GSG1L: variants seen among roughly 807,000 people sequenced by gnomAD.
GSG1L encodes GSG1 like.
Under a neutral mutation model 42.1 loss-of-function variants are expected in GSG1L, and 24 were observed. The observed-to-expected ratio is 0.57, with a 90% confidence interval of 0.41 to 0.80. GSG1L has a LOEUF of 0.80. Among genes scored for constraint, GSG1L ranks in the 30% least tolerant of loss-of-function variants. The probability of loss-of-function intolerance (pLI) is 0.00; values close to 1 mark genes in which losing one functional copy is unlikely to be tolerated. For missense variants in GSG1L, 445 were observed against 472.2 expected (o/e 0.94, Z 0.53); for synonymous variants, 215 against 203.5 (o/e 1.06, Z -0.48).
At chr16:27,966,354 A>G (rs183908141) in intron 1 of GSG1L, among the ~76,000 whole-genome samples, 9 of 152,262 alleles carry the variant, frequency 5.9e-5, no homozygotes, top group Admixed American at 2.6e-4. Context: ...AAAATTTAAA[A>G]ATTAGCCAGC....
chr16:28,012,211 G>A (rs1032387647), intron 1 of GSG1L, among the ~76,000 whole-genome samples: 2 of 151,996 alleles, frequency 1.3e-5, no homozygotes, highest in African/African-American at 4.8e-5. Flanking sequence ...CCCTCCCCTA[G>A]GCTGAGTCAG....
intron 3 of GSG1L, among the ~76,000 whole-genome samples, chr16:27,879,911 G>A (rs2083932433): frequency 6.6e-6 from 1 of 151,310 alleles, no homozygotes. Context: ...GGAATCCACA[G>A]ATGCGGAACC....
At chr16:27,850,458 A>G (rs9923632) in intron 3 of GSG1L, 1 of 450,728 alleles carries the variant, frequency 2.2e-6, no homozygotes, top group South Asian at 1.6e-5. Flanking sequence ...TAAATAACAC[A>G]ATGTGCCTAG....
chr16:27,832,663 C>A (rs79470090), intron 4 of GSG1L, among the ~76,000 whole-genome samples: 1 of 152,162 alleles, frequency 6.6e-6, no homozygotes, highest in Non-Finnish European at 1.5e-5. Context: ...TTCTGATAAA[C>A]GCGTAATAAT....
At chr16:27,796,287 A>T (rs1319444219) in intron 6 of GSG1L, among the ~76,000 whole-genome samples, 1 of 152,200 alleles carries the variant, frequency 6.6e-6, no homozygotes, top group East Asian at 1.9e-4. Flanking sequence ...CTCCAGAAAG[A>T]AAGGAAGCTT....
At chr16:28,058,409 G>A (rs958511862) in intron 1 of GSG1L, among the ~76,000 whole-genome samples, 1 of 152,120 alleles carries the variant, frequency 6.6e-6, no homozygotes, top group Non-Finnish European at 1.5e-5. Context: ...CAAGCGGATC[G>A]CTTGAGGCCA....
chr16:27,978,419 G>A lies in GSG1L; in HGVS notation c.350-15216C>T, dbSNP rs991180451. On this transcript the variant is annotated intron_variant, in intron 1 of 6. Coordinates refer to ENST00000447459, the MANE Select transcript of GSG1L (RefSeq NM_001109763.2). ...CAAATCCCCACTGTGCCAGCTGGGC[G>A]CAGTGGCTCACGCCTGTAATCCCAG... 3.9e-5 allele frequency among the ~76,000 whole-genome samples: 6 copies of A among 152,156 alleles called. 1 individual carries two copies. Among genetic ancestry groups the A allele is most frequent in the South Asian group, 2.1e-4 (1 of 4,832 alleles).
intron 6 of GSG1L, among the ~76,000 whole-genome samples, chr16:27,800,177 A>G (rs1597458443): frequency 6.6e-6 from 1 of 152,180 alleles, no homozygotes; most frequent in African/African-American, 2.4e-5. Flanking sequence ...TATTTATTTT[A>G]GAAATACTGT....
At chr16:27,877,695 T>G (rs1421066469) in intron 3 of GSG1L, among the ~76,000 whole-genome samples, 1 of 152,130 alleles carries the variant, frequency 6.6e-6, no homozygotes, top group African/African-American at 2.4e-5. Context: ...CTCCCTTCAC[T>G]GAATCATCCA....
intron 3 of GSG1L, among the ~76,000 whole-genome samples, chr16:27,874,860 T>C (rs1237740209): frequency 6.6e-6 from 1 of 152,198 alleles, no homozygotes; most frequent in Non-Finnish European, 1.5e-5. Flanking sequence ...AGCCAGTTGG[T>C]CAGAAGTGAC....
chr16:28,039,453 A>C (rs184118955), intron 1 of GSG1L, among the ~76,000 whole-genome samples: 1 of 151,668 alleles, frequency 6.6e-6, no homozygotes, highest in African/African-American at 2.4e-5. Context: ...CCCCACCCCC[A>C]CAGCAAAGAA....
intron 2 of GSG1L, among the ~76,000 whole-genome samples, chr16:27,923,264 C>A (rs187621096): frequency 1.5e-3 from 235 of 152,310 alleles, no homozygotes; most frequent in African/African-American, 5.3e-3. Flanking sequence ...GCCATCTGGG[C>A]AGCCATGGCC....
At chr16:27,992,037 A>T (rs1459966899) in intron 1 of GSG1L, among the ~76,000 whole-genome samples, 1 of 152,208 alleles carries the variant, frequency 6.6e-6, no homozygotes, top group Non-Finnish European at 1.5e-5. Context: ...TGAAACCTCC[A>T]TGATAACTGA....
At chr16:27,849,122 G>T (rs1567484954) in intron 3 of GSG1L, among the ~76,000 whole-genome samples, 1 of 148,038 alleles carries the variant, frequency 6.8e-6, no homozygotes, top group Non-Finnish European at 1.5e-5. Flanking sequence ...CTAGGAGGCA[G>T]AAGCTGCAGA....
At position 27,982,811 on chromosome 16, in the gene GSG1L, C is replaced by G. The variant is rs113062314; in HGVS notation, c.350-19608G>C. 2.3e-3 allele frequency among the ~76,000 whole-genome samples: 350 copies of G among 152,234 alleles called. 6 individuals carry two copies. The highest frequency in any genetic ancestry group is 0.011 in the South Asian group (53 of 4,826). On this transcript the variant is annotated intron_variant, in intron 1 of 6. Coordinates refer to ENST00000447459, the MANE Select transcript of GSG1L (RefSeq NM_001109763.2). ...CTTCCAGTTTCTTTAACAACCAGAT[C>G]TTGCATGAACTCATTGTCGTGGGCA...
At chr16:27,803,107 C>T (rs1170219880) in intron 6 of GSG1L, among the ~76,000 whole-genome samples, 4 of 152,056 alleles carry the variant, frequency 2.6e-5, no homozygotes, top group Non-Finnish European at 5.9e-5. Flanking sequence ...ACCCCATGCC[C>T]CTGACTGCTT....
chr16:27,903,440 A>G (rs2084286106), intron 2 of GSG1L, among the ~76,000 whole-genome samples: 1 of 152,158 alleles, frequency 6.6e-6, no homozygotes, highest in Non-Finnish European at 1.5e-5. Flanking sequence ...AGGGGAGAGG[A>G]GACAGACTGC....
Position 28,063,384 on chromosome 16 carries a change from G to A in GSG1L, c.41C>T (p.Ala14Val), listed in dbSNP as rs1340407107. 5.8e-6 allele frequency: 8 copies of A among 1,381,006 alleles called. No homozygotes were observed. The highest frequency in any genetic ancestry group is 2.6e-5 in the Admixed American group (1 of 38,740). 85.5% of individuals were successfully genotyped at this position (1,381,006 alleles called of 1,614,324 possible). Residue 14 changes from alanine to valine, a missense_variant, in exon 1 of 7, where the codon GCC (alanine) becomes GTC (valine). Around this residue, in one of 3 missense-constraint regions of GSG1L, gnomAD observed 156 missense variants for 128.3 expected, o/e 1.22. Transcript: ENST00000447459. This position sits in a 1 kb window ranked among gnomAD's most constrained non-coding sequence, Gnocchi z 5.8. ...GAACAGCAGCGCCAGCAGGTTCAGG[G>A]CCACGGCCAGGAGCGCTCGGCCGCG... ...SRRGRALLAV[A>V]LNLLALLFAT...
chr16:28,006,846 C>T (rs1463482618), intron 1 of GSG1L, among the ~76,000 whole-genome samples: 2 of 152,082 alleles, frequency 1.3e-5, no homozygotes, highest in African/African-American at 2.4e-5. Flanking sequence ...AGTGAGCCAC[C>T]CTAGCAACCA....
Sources: allele counts gnomAD v4.1 joint callset (sites outside exome capture counted in the v4.1 genomes callset), GRCh38; gene constraint gnomAD v4.1.1; regional missense constraint gnomAD v4.1.1; non-coding constraint Gnocchi (gnomAD v3.1); transcripts MANE v1.5; gene names NCBI Gene and HGNC (gene_info 2026-07-23, HGNC 2026-07-21).